The following VEPH1 variants were observed in gnomAD, a reference collection of about 807,000 sequenced individuals.
VEPH1 encodes the protein ventricular zone expressed PH domain containing 1.
VEPH1 carries 80 observed loss-of-function variants against 85.2 expected under a neutral mutation model. The observed-to-expected ratio is 0.94, with a 90% CI of 0.78 to 1.13. The LOEUF is 1.13. VEPH1 is among the 50% of genes most tolerant of loss of function. The probability of loss-of-function intolerance (pLI) is 0.00; values close to 1 mark genes in which losing one functional copy is unlikely to be tolerated. For missense variants in VEPH1, 955 were observed against 980.5 expected, an observed-to-expected ratio of 0.97 and a Z score of 0.35; for synonymous variants, 297 against 348.0, an observed-to-expected ratio of 0.85 and a Z score of 1.63.
intron 4 of VEPH1, among the ~76,000 whole-genome samples, chr3:157,450,047 A>ATTTTTTTTTTTT (rs1368973274): frequency 1.1e-5 from 1 of 90,672 alleles, no homozygotes; most frequent in African/African-American, 4.3e-5. Flanking sequence ...GAGAATATTT[A>ATTTTTTTTTTTT]CTTTTTTTTT....
chr3:157,342,844 A>G (rs1258924173), intron 9 of VEPH1, among the ~76,000 whole-genome samples: 3 of 152,372 alleles, frequency 2.0e-5, no homozygotes, highest in African/African-American at 7.2e-5. Context: ...ACCACAGTGC[A>G]ATCAAACTGG....
chr3:157,448,757 C>G (rs1734734829), intron 4 of VEPH1, among the ~76,000 whole-genome samples: 1 of 152,168 alleles, frequency 6.6e-6, no homozygotes, highest in Non-Finnish European at 1.5e-5. Flanking sequence ...CATTTTACCC[C>G]TGATATAATT....
chr3:157,474,289 T>G (rs1258217140), intron 2 of VEPH1, among the ~76,000 whole-genome samples: 2 of 152,128 alleles, frequency 1.3e-5, no homozygotes, highest in Non-Finnish European at 2.9e-5. Flanking sequence ...TTCTTAATCT[T>G]TATAACTCTT....
chr3:157,350,225 G>A (rs1302130090), intron 9 of VEPH1, among the ~76,000 whole-genome samples: 1 of 152,156 alleles, frequency 6.6e-6, no homozygotes, highest in Non-Finnish European at 1.5e-5. Context: ...CATATCTGCG[G>A]CCAATTAATT....
intron 5 of VEPH1, among the ~76,000 whole-genome samples, chr3:157,427,826 C>A (rs1732863288): frequency 6.6e-6 from 1 of 152,150 alleles, no homozygotes; most frequent in Non-Finnish European, 1.5e-5. Context: ...AACATTATTT[C>A]TGGGTATGTC....
In VEPH1 at chr3:157,382,650, T is replaced by A. The variant is rs187595537; in HGVS notation, c.907-1274A>T. Reference sequence around the variant, plus strand: ...TACTGGAAGTTGCTGCTCACAATCCTTCTGACTAACTGGTGCACAGATCTA... The same window carrying A: ...TACTGGAAGTTGCTGCTCACAATCCATCTGACTAACTGGTGCACAGATCTA... On this transcript the variant is annotated intron_variant, in intron 6 of 13. Transcript: ENST00000362010. 4.3e-4 allele frequency among the ~76,000 whole-genome samples: 66 copies of A among 152,294 alleles called. 1 individual carries two copies. In the East Asian group the frequency reaches 6.5e-3, roughly 15 times the overall value.
chr3:157,391,950 T>C (rs2108924026), intron 6 of VEPH1, among the ~76,000 whole-genome samples: 1 of 151,994 alleles, frequency 6.6e-6, no homozygotes, highest in Non-Finnish European at 1.5e-5. Flanking sequence ...AGAAAAGAAA[T>C]TTCAACCAAG....
At chr3:157,335,392 C>A (rs1029046682) in intron 9 of VEPH1, among the ~76,000 whole-genome samples, 2 of 151,384 alleles carry the variant, frequency 1.3e-5, no homozygotes, top group African/African-American at 4.9e-5. Context: ...GAGGCCCTAT[C>A]TCAAAAACAA....
intron 9 of VEPH1, among the ~76,000 whole-genome samples, chr3:157,346,847 C>A (rs1222985642): frequency 2.0e-5 from 3 of 152,120 alleles, no homozygotes; most frequent in African/African-American, 4.8e-5. Context: ...AGCTCCTGGG[C>A]TCAAGCTATC....
intron 4 of VEPH1, among the ~76,000 whole-genome samples, chr3:157,435,233 CA>C (rs1733467146): frequency 6.6e-6 from 1 of 152,138 alleles, no homozygotes; most frequent in South Asian, 2.1e-4. Flanking sequence ...GCTGATATTT[CA>C]ACTAAATGCA....
intron 7 of VEPH1, among the ~76,000 whole-genome samples, chr3:157,365,544 C>A (rs749860716): frequency 6.6e-6 from 1 of 152,118 alleles, no homozygotes; most frequent in Non-Finnish European, 1.5e-5. Context: ...CCAGACTCCA[C>A]AGATGGCCCC....
At chr3:157,323,281 G>A (rs948437501) in intron 9 of VEPH1, among the ~76,000 whole-genome samples, 6 of 152,154 alleles carry the variant, frequency 3.9e-5, no homozygotes, top group African/African-American at 1.4e-4. Flanking sequence ...TGAAATAACT[G>A]TTTGAAATTA....
chr3:157,282,490 A>G (rs751292569), intron 12 of VEPH1, among the ~76,000 whole-genome samples: 27 of 152,234 alleles, frequency 1.8e-4, no homozygotes, highest in Admixed American at 9.8e-4. Flanking sequence ...CCTTCTACTG[A>G]TGATCACATT....
intron 12 of VEPH1, among the ~76,000 whole-genome samples, chr3:157,270,541 T>G (rs1487875171): frequency 6.6e-6 from 1 of 152,132 alleles, no homozygotes; most frequent in Non-Finnish European, 1.5e-5. Context: ...AAATATTTGT[T>G]GCTAAAAAAA....
At chr3:157,398,846 C>T (rs1443953449) in intron 6 of VEPH1, among the ~76,000 whole-genome samples, 1 of 152,044 alleles carries the variant, frequency 6.6e-6, no homozygotes, top group Non-Finnish European at 1.5e-5. Context: ...AGACCTGTTG[C>T]AGAGACTTCT....
At chr3:157,482,517 C>T (rs927963176) in intron 2 of VEPH1, among the ~76,000 whole-genome samples, 2 of 152,150 alleles carry the variant, frequency 1.3e-5, no homozygotes, top group African/African-American at 4.8e-5. Context: ...GCCACCCACG[C>T]CCAGCTGATG....
At chr3:157,441,291 A>T (rs1577667046) in intron 4 of VEPH1, among the ~76,000 whole-genome samples, 1 of 152,364 alleles carries the variant, frequency 6.6e-6, no homozygotes, top group African/African-American at 2.4e-5. Context: ...TAGATAAGTT[A>T]CTTTTACCTA....
chr3:157,453,637 G>T (rs1735142799), intron 4 of VEPH1, among the ~76,000 whole-genome samples: 1 of 152,152 alleles, frequency 6.6e-6, no homozygotes, highest in African/African-American at 2.4e-5. Flanking sequence ...CTAAAGAGGA[G>T]AAAAACTATA....
At chr3:157,355,226 T>C (rs1300903268) in intron 9 of VEPH1, among the ~76,000 whole-genome samples, 4 of 152,222 alleles carry the variant, frequency 2.6e-5, no homozygotes, top group African/African-American at 9.6e-5. Flanking sequence ...CTACGTATTA[T>C]GTAAGTTCCA....
Sources: allele counts gnomAD v4.1 joint callset (sites outside exome capture counted in the v4.1 genomes callset), GRCh38; gene constraint gnomAD v4.1.1; transcripts MANE v1.5; gene names NCBI Gene and HGNC (gene_info 2026-07-23, HGNC 2026-07-21).